Variants in BRINP3 observed in about 807,000 individuals in gnomAD.
BRINP3 encodes the protein BMP/retinoic acid-inducible neural-specific protein 3.
A neutral mutation model predicts 71.0 loss-of-function variants in BRINP3; 19 were observed. The ratio of observed to expected loss-of-function variants is 0.27; its 90% CI spans 0.19 to 0.39. BRINP3 has a LOEUF of 0.39. Ranked by LOEUF, BRINP3 falls within the 10% of genes least tolerant of loss-of-function variation. BRINP3 has a pLI of 1.00. For missense variants in BRINP3, 959 were observed against 940.8 expected (o/e 1.02, Z -0.25); for synonymous variants, 380 against 337.7 (o/e 1.13, Z -1.37).
At chr1:190,195,192 T>A (rs1654371360) in intron 6 of BRINP3, among the ~76,000 whole-genome samples, 1 of 152,010 alleles carries the variant, frequency 6.6e-6, no homozygotes, top group Admixed American at 6.6e-5. Flanking sequence ...GCTAAATTGA[T>A]GTTGACTTAT....
intron 6 of BRINP3, among the ~76,000 whole-genome samples, chr1:190,206,225 G>C (rs1206251660): frequency 6.6e-6 from 1 of 151,950 alleles, no homozygotes; most frequent in South Asian, 2.1e-4. Context: ...GAGGAAGAGA[G>C]GTGAATATAA....
intron 2 of BRINP3, among the ~76,000 whole-genome samples, chr1:190,292,996 T>C (rs987126377): frequency 6.6e-6 from 1 of 152,030 alleles, no homozygotes; most frequent in African/African-American, 2.4e-5. Context: ...GATTTGTTGA[T>C]CTTTTGTAAT....
intron 2 of BRINP3, among the ~76,000 whole-genome samples, chr1:190,346,599 C>G (rs987655879): frequency 6.6e-6 from 1 of 152,084 alleles, no homozygotes; most frequent in African/African-American, 2.4e-5. Flanking sequence ...TCTGAGAAAT[C>G]TAGCTAATCT....
At chr1:190,201,485 T>G (rs1191614820) in intron 6 of BRINP3, among the ~76,000 whole-genome samples, 1 of 152,202 alleles carries the variant, frequency 6.6e-6, no homozygotes, top group African/African-American at 2.4e-5. Flanking sequence ...TCAAGCTGGC[T>G]GCATAATTTG....
rs1673708745 is a variant in BRINP3, at chr1:190,426,377, G to C, written c.236+28278C>G. Among the ~76,000 whole-genome samples, 3 of 151,914 alleles carry C rather than the reference G, an allele frequency of 2.0e-5. No individual in the cohort carries two copies. In the South Asian group the frequency reaches 6.2e-4, roughly 31 times the overall value. On this transcript the variant is annotated intron_variant, in intron 2 of 7. Transcript: ENST00000367462. ...ACTACGCCCAGAAGATAATAAGACA[G>C]GTTGAGGGTTTCTTACCCAAAATGC...
At chr1:190,182,188 G>T (rs372787163) in intron 6 of BRINP3, among the ~76,000 whole-genome samples, 2 of 151,736 alleles carry the variant, frequency 1.3e-5, no homozygotes, top group African/African-American at 4.8e-5. Flanking sequence ...TCCTATTTAG[G>T]ATTCTTTCAA....
At chr1:190,421,218 G>T (rs1177930391) in intron 2 of BRINP3, among the ~76,000 whole-genome samples, 1 of 151,088 alleles carries the variant, frequency 6.6e-6, no homozygotes, top group Non-Finnish European at 1.5e-5. Context: ...TTGTGTACTA[G>T]CTGCCATTGA....
chr1:190,112,351 G>C (rs979240815), intron 7 of BRINP3, among the ~76,000 whole-genome samples: 8 of 152,076 alleles, frequency 5.3e-5, no homozygotes, highest in Non-Finnish European at 8.8e-5. Flanking sequence ...TATGCTATTT[G>C]CTTGATTTAT....
chr1:190,401,512 T>C (rs1263653591), intron 2 of BRINP3, among the ~76,000 whole-genome samples: 1 of 152,020 alleles, frequency 6.6e-6, no homozygotes, highest in African/African-American at 2.4e-5. Flanking sequence ...TAAAGTGTGA[T>C]ACATGAGCTA....
In BRINP3 at chr1:190,285,848, T is replaced by A. The variant is rs550916953; in HGVS notation, c.237-4098A>T. 2.4e-4 allele frequency among the ~76,000 whole-genome samples: 36 copies of A among 152,200 alleles called. 1 individual carries two copies. In the South Asian group the frequency reaches 5.8e-3, roughly 25 times the overall value. ...ATTAAAAACATGCTGTTGGATGTAATTACCATAATGAGAACATTTTACCTA... is the reference window on the plus strand; with the variant it reads ...ATTAAAAACATGCTGTTGGATGTAAATACCATAATGAGAACATTTTACCTA... On this transcript the variant is annotated intron_variant, in intron 2 of 7. Coordinates refer to ENST00000367462, the MANE Select transcript of BRINP3 (RefSeq NM_199051.3).
chr1:190,238,824 G>T (rs957169630), intron 4 of BRINP3, among the ~76,000 whole-genome samples: 69 of 152,182 alleles, frequency 4.5e-4, no homozygotes, highest in African/African-American at 1.5e-3. Context: ...CAATGAGGTT[G>T]GTATCAACTA....
chr1:190,197,162 A>G (rs559045602), intron 6 of BRINP3, among the ~76,000 whole-genome samples: 3 of 150,948 alleles, frequency 2.0e-5, no homozygotes, highest in Admixed American at 2.0e-4. Context: ...GTGTAGGAGA[A>G]CTCCCCTTTA....
intron 7 of BRINP3, among the ~76,000 whole-genome samples, chr1:190,137,440 A>C (rs2102374881): frequency 6.8e-6 from 1 of 146,434 alleles, no homozygotes; most frequent in Non-Finnish European, 1.5e-5. Flanking sequence ...CCAAAGTTTA[A>C]AAAAAAAAAA....
intron 6 of BRINP3, among the ~76,000 whole-genome samples, chr1:190,205,669 T>C (rs985230507): frequency 2.6e-5 from 4 of 152,084 alleles, no homozygotes; most frequent in Non-Finnish European, 4.4e-5. Context: ...ATGTTTACTA[T>C]ACTTCCAAAT....
intron 1 of BRINP3, among the ~76,000 whole-genome samples, chr1:190,458,876 G>C (rs1037923352): frequency 1.1e-4 from 17 of 151,742 alleles, no homozygotes. Context: ...CAACTAAAGA[G>C]ATGAGAACAT....
intron 2 of BRINP3, among the ~76,000 whole-genome samples, chr1:190,421,549 A>G (rs1488908068): frequency 2.0e-5 from 3 of 151,646 alleles, no homozygotes; most frequent in African/African-American, 4.8e-5. Flanking sequence ...AAAGTAATTG[A>G]TTCCCTATGT....
intron 2 of BRINP3, among the ~76,000 whole-genome samples, chr1:190,399,319 C>T (rs1250742154): frequency 6.6e-6 from 1 of 151,592 alleles, no homozygotes; most frequent in Non-Finnish European, 1.5e-5. Flanking sequence ...TCAAAAACTT[C>T]TAATAGGTTT....
intron 2 of BRINP3, among the ~76,000 whole-genome samples, chr1:190,423,100 C>T (rs1484156082): frequency 2.0e-5 from 3 of 151,700 alleles, no homozygotes; most frequent in Non-Finnish European, 1.5e-5. Context: ...ATGCTACTTT[C>T]TAAGATGAGC....
chr1:190,313,455 A>C (rs1258594479), intron 2 of BRINP3, among the ~76,000 whole-genome samples: 1 of 152,028 alleles, frequency 6.6e-6, no homozygotes, highest in African/African-American at 2.4e-5. Flanking sequence ...AGGAATTTAA[A>C]TTTGTATTTA....
Sources: allele counts gnomAD v4.1 joint callset (sites outside exome capture counted in the v4.1 genomes callset), GRCh38; gene constraint gnomAD v4.1.1; transcripts MANE v1.5; gene names NCBI Gene and HGNC (gene_info 2026-07-23, HGNC 2026-07-21).